Variants in CNGB3 observed in about 807,000 individuals in gnomAD.
CNGB3 encodes cyclic nucleotide gated channel subunit beta 3, also known as cyclic nucleotide-gated channel beta-3.
A neutral mutation model predicts 92.8 loss-of-function variants in CNGB3; 86 were observed. The ratio of observed to expected loss-of-function variants is 0.93; its 90% CI spans 0.78 to 1.11. CNGB3 has a LOEUF of 1.11. Ranked by LOEUF, CNGB3 falls within the 50% of genes least tolerant of loss-of-function variation. The pLI is 0.00. For missense variants in CNGB3, 1,026 were observed against 956.8 expected (o/e 1.07, Z -0.95); for synonymous variants, 333 against 332.7 (o/e 1.00, Z -0.01).
At position 86,713,320 on chromosome 8, in the gene CNGB3, A is replaced by C. The variant is rs527987169; in HGVS notation, c.338+13211T>G. Among the ~76,000 whole-genome samples, 7 of 152,324 alleles carry C rather than the reference A, an allele frequency of 4.6e-5. No homozygotes were observed. The South Asian group carries it at 1.4e-3, about 32-fold the overall frequency. ...ACATTAGAATCACCTACAAAGGTTTATGATCTGCTCATGCCTAGAACCCAT... is the reference window on the plus strand; with the variant it reads ...ACATTAGAATCACCTACAAAGGTTTCTGATCTGCTCATGCCTAGAACCCAT... On this transcript the variant is annotated intron_variant, in intron 3 of 17. Coordinates refer to ENST00000320005, the MANE Select transcript of CNGB3 (RefSeq NM_019098.5).
At chr8:86,723,209 A>G (rs1480446049) in intron 3 of CNGB3, among the ~76,000 whole-genome samples, 1 of 151,962 alleles carries the variant, frequency 6.6e-6, no homozygotes, top group African/African-American at 2.4e-5. Context: ...CAGTCCAGAC[A>G]TAATAATCCC....
Position 86,579,215 on chromosome 8 carries a change from T to C in CNGB3, c.1819A>G (p.Asn607Asp), listed in dbSNP as rs777528651. The C allele has an allele frequency of 1.2e-6, 2 of 1,614,176 alleles. No individual in the cohort carries two copies. Among genetic ancestry groups the C allele is most frequent in the East Asian group, 4.5e-5 (2 of 44,878 alleles). Residue 607 changes from asparagine to aspartate, a missense_variant, in exon 16 of 18, where the codon AAT (asparagine) becomes GAT (aspartate). Physicochemically the swap from Asn to Asp is conservative, Grantham distance 23. Coordinates refer to ENST00000320005, the MANE Select transcript of CNGB3 (RefSeq NM_019098.5). ...TTGGCAAACCCGTGGGCCACCACATTGGCAGTTCGACGGTTTCCTCCTCCT... is the reference window on the plus strand; with the variant it reads ...TTGGCAAACCCGTGGGCCACCACATCGGCAGTTCGACGGTTTCCTCCTCCT... ...AAGGGNRRTA[N>D]VVAHGFANLL... is the part of the protein sequence containing the mutation.
intron 13 of CNGB3, among the ~76,000 whole-genome samples, chr8:86,613,482 A>T (rs953510992): frequency 2.8e-4 from 42 of 152,334 alleles, no homozygotes; most frequent in African/African-American, 9.6e-4. Flanking sequence ...TCTCCACTAA[A>T]GAAAATTTGT....
intron 8 of CNGB3, among the ~76,000 whole-genome samples, chr8:86,646,130 A>G (rs1364221409): frequency 1.3e-5 from 2 of 151,058 alleles, no homozygotes; most frequent in African/African-American, 4.8e-5. Flanking sequence ...ATCTATAGAA[A>G]CCTGAGAATT....
rs77969655 is a variant in CNGB3, at chr8:86,683,237, A to T, written c.339-12139T>A. On this transcript the variant is annotated intron_variant, in intron 3 of 17. Transcript: ENST00000320005. ...AGAGTGCAGTGCATATAGTTAAGAG[A>T]TACTCTGAGTGCCAAATTAATGTCT... Among the ~76,000 whole-genome samples, 1,352 of 152,238 alleles carry T rather than the reference A, an allele frequency of 8.9e-3. 16 individuals are homozygous for T. The highest frequency in any genetic ancestry group is 0.03 in the African/African-American group (1,247 of 41,546).
chr8:86,595,071 G>C (rs1225797778), intron 15 of CNGB3, among the ~76,000 whole-genome samples: 1 of 152,166 alleles, frequency 6.6e-6, no homozygotes, highest in East Asian at 1.9e-4. Flanking sequence ...CTGAGGTCCA[G>C]AATCAGTTAA....
chr8:86,730,310 A>G (rs906861058), intron 2 of CNGB3, among the ~76,000 whole-genome samples: 15 of 152,240 alleles, frequency 9.9e-5, no homozygotes, highest in African/African-American at 2.9e-4. Flanking sequence ...GAGGGATTCA[A>G]AGAAAGAACC....
chr8:86,579,390 T>G (rs1821719341), intron 15 of CNGB3, 138 bp from the exon 16 acceptor site: 1 of 993,056 alleles, frequency 1.0e-6, no homozygotes, highest in Non-Finnish European at 1.5e-6. Flanking sequence ...CAGGTGATTG[T>G]GCAGAGAGTG....
chr8:86,683,614 C>G (rs1027058979), intron 3 of CNGB3, among the ~76,000 whole-genome samples: 2 of 152,138 alleles, frequency 1.3e-5, no homozygotes, highest in African/African-American at 2.4e-5. Context: ...TTTATACTGA[C>G]TAGGTCACTG....
At chr8:86,675,343 G>A (rs1823946525) in intron 3 of CNGB3, among the ~76,000 whole-genome samples, 1 of 152,070 alleles carries the variant, frequency 6.6e-6, no homozygotes, top group Non-Finnish European at 1.5e-5. Flanking sequence ...AAAGTACTGG[G>A]ATTACTGTTG....
At chr8:86,582,429 T>C (rs1821806457) in intron 15 of CNGB3, among the ~76,000 whole-genome samples, 1 of 149,500 alleles carries the variant, frequency 6.7e-6, no homozygotes, top group Non-Finnish European at 1.5e-5. Flanking sequence ...CTTTTCAAAA[T>C]TAATGTCAGA....
At chr8:86,658,077 CT>C (rs2131606485) in intron 6 of CNGB3, 1 of 529,980 alleles carries the variant, frequency 1.9e-6, no homozygotes, top group South Asian at 1.7e-5. Context: ...CCATGGCCCC[CT>C]GCAGGGCCGG....
At chr8:86,712,376 C>T (rs1030778481) in intron 3 of CNGB3, among the ~76,000 whole-genome samples, 2 of 152,010 alleles carry the variant, frequency 1.3e-5, no homozygotes, top group African/African-American at 4.8e-5. Context: ...CATTTCTAGG[C>T]TGTAGAAGAA....
intron 3 of CNGB3, among the ~76,000 whole-genome samples, chr8:86,712,215 G>A (rs1008697364): frequency 6.6e-6 from 1 of 152,050 alleles, no homozygotes; most frequent in Non-Finnish European, 1.5e-5. Context: ...GTGGCAATGA[G>A]CATTTTCATA....
At chr8:86,668,245 CA>C (rs949806210) in intron 4 of CNGB3, 77 bp from the exon 5 acceptor site, 4 of 1,263,858 alleles carry the variant, frequency 3.2e-6, no homozygotes, top group Admixed American at 4.1e-5. Flanking sequence ...ATTTCTTAAC[CA>C]AACACCGCAT....
intron 3 of CNGB3, among the ~76,000 whole-genome samples, chr8:86,693,424 TTA>T (rs1374701678): frequency 1.3e-3 from 158 of 122,864 alleles, no homozygotes; most frequent in African/African-American, 5.2e-3. Flanking sequence ...TTTTTTTTTA[TTA>T]TTATTATTAT....
rs3779805 is a variant in CNGB3, at chr8:86,604,283, T to C, written c.1663-72A>G. On this transcript the variant is annotated intron_variant, in intron 14 of 17. Transcript: ENST00000320005. Reference sequence around the variant, plus strand: ...TAATTATGCTGTAAATTAAGAAATATAAATTCTTTTAGAGGAGTAAATATA... The same window carrying C: ...TAATTATGCTGTAAATTAAGAAATACAAATTCTTTTAGAGGAGTAAATATA... 4.8e-5 allele frequency: 47 copies of C among 983,340 alleles called. No homozygotes were observed. The East Asian group carries it at 1.1e-3, about 24-fold the overall frequency. The allele number at this position is 983,340 out of a possible 1,614,324, so 60.9% of individuals were successfully genotyped here. A position where few individuals can be genotyped will look rare whatever the true frequency, so the allele number is the denominator to read the frequency against.
intron 3 of CNGB3, among the ~76,000 whole-genome samples, chr8:86,711,835 C>CTA (rs10608743): frequency 6.5e-4 from 80 of 123,758 alleles, no homozygotes; most frequent in Admixed American, 9.4e-4. Context: ...CTCTCTCTCT[C>CTA]TATATATATA....
chr8:86,641,531 T>G (rs1823186453), intron 10 of CNGB3, among the ~76,000 whole-genome samples: 1 of 151,964 alleles, frequency 6.6e-6, no homozygotes. Flanking sequence ...TCTTATGTTG[T>G]GTCTTCTATT....
Sources: gnomAD v4.1 joint callset for allele counts (sites outside exome capture counted in the v4.1 genomes callset) on GRCh38, gnomAD v4.1.1 for gene constraint, MANE v1.5 for transcripts, NCBI Gene and HGNC (gene_info 2026-07-23, HGNC 2026-07-21) for gene names.